ZNF536: variants seen among roughly 807,000 people sequenced by gnomAD.
The protein encoded by ZNF536 is zinc finger protein 536.
ZNF536 carries 13 observed loss-of-function variants against 84.5 expected under a neutral mutation model. The observed-to-expected ratio is 0.15, with a 90% CI of 0.10 to 0.24. The LOEUF is 0.24. Ranked by LOEUF, ZNF536 falls within the 10% of genes least tolerant of loss-of-function variation. ZNF536 has a pLI of 1.00. For synonymous variants in ZNF536, 811 were observed against 742.5 expected (o/e 1.09, Z -1.50); for missense variants, 1,536 against 1,747.5 (o/e 0.88, Z 2.16).
chr19:30,676,032 A>G (rs748505404), intron 1 of ZNF536, among the ~76,000 whole-genome samples: 1 of 149,656 alleles, frequency 6.7e-6, no homozygotes, highest in African/African-American at 2.5e-5. Flanking sequence ...TAATTTTTTA[A>G]TTTTTTTTAA....
At position 30,586,979 on chromosome 19, in the gene ZNF536, A is replaced by C. The variant is rs183358790; in HGVS notation, c.169+37465A>C. Among the ~76,000 whole-genome samples, 201 of 152,338 alleles carry C rather than the reference A, an allele frequency of 1.3e-3. 3 individuals are homozygous for C. Among genetic ancestry groups the C allele is most frequent in the Non-Finnish European group, 4.1e-4 (28 of 68,030 alleles). On this transcript the variant is annotated intron_variant, in intron 1 of 1. Coordinates refer to the ZNF536 transcript ENST00000592773. The stretch of plus-strand genomic sequence containing the variant: ...TGATATAAATCAGTACTTATTGCTT[A>C]CTTTAGCTTATTCTATAAGGGACTC...
At chr19:30,508,820 CTTT>C (rs914349353) in intron 2 of ZNF536, among the ~76,000 whole-genome samples, 1 of 68,770 alleles carries the variant, frequency 1.5e-5, no homozygotes, top group Non-Finnish European at 2.7e-5. Context: ...TTCTTTCTTT[CTTT>C]TTTTTTTTTT....
intron 1 of ZNF536, among the ~76,000 whole-genome samples, chr19:30,252,983 ATGATGGTGATGG>A (rs775677574): frequency 6.6e-6 from 1 of 152,216 alleles, no homozygotes; most frequent in Non-Finnish European, 1.5e-5. Flanking sequence ...AATGCTGATG[ATGATGGTGATGG>A]TGATGGTGAT....
chr19:30,620,340 T>C (rs1179331888), intron 1 of ZNF536, among the ~76,000 whole-genome samples: 1 of 47,486 alleles, frequency 2.1e-5, no homozygotes, highest in Non-Finnish European at 3.8e-5. Flanking sequence ...CACTCAAACA[T>C]TTTTAAAACA....
intron 1 of ZNF536, among the ~76,000 whole-genome samples, chr19:30,658,538 G>A (rs1035968312): frequency 1.1e-4 from 17 of 150,496 alleles, no homozygotes; most frequent in Non-Finnish European, 2.1e-4. Context: ...ACCTCTCTCT[G>A]TCACACACAC....
At chr19:30,331,357 T>C (rs1014765339) in intron 2 of ZNF536, among the ~76,000 whole-genome samples, 1 of 150,970 alleles carries the variant, frequency 6.6e-6, no homozygotes, top group Admixed American at 6.6e-5. Flanking sequence ...TGACCATTTC[T>C]TACTAGATAA....
chr19:30,361,144 A>T (rs984484146), intron 3 of ZNF536, among the ~76,000 whole-genome samples: 1 of 152,144 alleles, frequency 6.6e-6, no homozygotes, highest in Non-Finnish European at 1.5e-5. Context: ...ATTTTAAGTT[A>T]TGTGTTTTAC....
At chr19:30,522,252 G>GATATATATATATATATGTGTATATATAT in intron 2 of ZNF536, among the ~76,000 whole-genome samples, 1 of 44,412 alleles carries the variant, frequency 2.3e-5, no homozygotes, top group African/African-American at 1.3e-4. Flanking sequence ...GGCAGAGCTG[G>GATATATATATATATATGTGTATATATAT]ATATATATAC....
intron 1 of ZNF536, among the ~76,000 whole-genome samples, chr19:30,575,727 G>A (rs2146604401): frequency 6.6e-6 from 1 of 152,344 alleles, no homozygotes; most frequent in Non-Finnish European, 1.5e-5. Context: ...TGCCGGGGGT[G>A]CTGCTACTTT....
intron 1 of ZNF536, among the ~76,000 whole-genome samples, chr19:30,571,888 G>A (rs142088173): frequency 0.02 from 2,978 of 152,324 alleles, 34 homozygotes; most frequent in Middle Eastern, 0.031. Context: ...TTGATAGGGA[G>A]GTTGGAGAGA....
chr19:30,306,917 A>G (rs2046358007), intron 2 of ZNF536, among the ~76,000 whole-genome samples: 1 of 152,230 alleles, frequency 6.6e-6, no homozygotes, highest in Non-Finnish European at 1.5e-5. Context: ...TCACACATCA[A>G]ACCCTAGAAA....
intron 1 of ZNF536, among the ~76,000 whole-genome samples, chr19:30,630,058 C>T (rs1029675007): frequency 9.8e-5 from 15 of 152,316 alleles, no homozygotes; most frequent in African/African-American, 3.6e-4. Context: ...CAGCTACTCT[C>T]TAGGGAAGAG....
chr19:30,367,988 T>TCC (rs1433912686), upstream of ZNF536, among the ~76,000 whole-genome samples: 1 of 152,176 alleles, frequency 6.6e-6, no homozygotes, highest in African/African-American at 2.4e-5. Flanking sequence ...GACCACCATC[T>TCC]CCCACCCTGT....
At chr19:30,296,376 T>C (rs2045996820) in intron 2 of ZNF536, 1 of 152,246 alleles carries the variant, frequency 6.6e-6, no homozygotes, top group African/African-American at 2.4e-5. Flanking sequence ...CTCAGAGCCT[T>C]TGGCTGCTTC....
chr19:30,656,399 T>C (rs1158098505), intron 1 of ZNF536, among the ~76,000 whole-genome samples: 1 of 152,216 alleles, frequency 6.6e-6, no homozygotes. Flanking sequence ...TAAAACAATA[T>C]GAAAACTCTG....
intron 2 of ZNF536, among the ~76,000 whole-genome samples, chr19:30,502,590 T>C (rs2054996773): frequency 6.6e-6 from 1 of 152,172 alleles, no homozygotes; most frequent in South Asian, 2.1e-4. Context: ...CATCGTCTCA[T>C]CAACCTGGAC....
At chr19:30,276,967 C>G (rs952841719) in intron 1 of ZNF536, among the ~76,000 whole-genome samples, 1 of 152,138 alleles carries the variant, frequency 6.6e-6, no homozygotes, top group Non-Finnish European at 1.5e-5. Flanking sequence ...AATGTTCCCA[C>G]AGAGCTGATG....
rs1220625271 is a variant in ZNF536 at position 30,432,506 on chromosome 19, G to A, written c.-2-11055G>A. On this transcript the variant is annotated intron_variant, in intron 1 of 4. Transcript: ENST00000355537. Reference sequence around the variant, plus strand: ...AGGATGGAGTTGGGCTCACAGCTGTGGTGAGGTGGGGCTGGGCTGCTGGGA... The same window carrying A: ...AGGATGGAGTTGGGCTCACAGCTGTAGTGAGGTGGGGCTGGGCTGCTGGGA... 2.6e-5 allele frequency among the ~76,000 whole-genome samples: 4 copies of A among 152,198 alleles called. No individual in the cohort carries two copies. The East Asian group carries it at 7.7e-4, about 29-fold the overall frequency.
chr19:30,354,539 T>C (rs2146769033), intron 3 of ZNF536, among the ~76,000 whole-genome samples: 1 of 152,294 alleles, frequency 6.6e-6, no homozygotes, highest in South Asian at 2.1e-4. Context: ...GATCATGGCA[T>C]GCATTTTAAA....
Sources: allele counts gnomAD v4.1 joint callset (sites outside exome capture counted in the v4.1 genomes callset), GRCh38; gene constraint gnomAD v4.1.1; transcripts MANE v1.5; gene names NCBI Gene and HGNC (gene_info 2026-07-23, HGNC 2026-07-21).